The following CFAP299 variants were observed in gnomAD, a reference collection of about 807,000 sequenced individuals.
The protein encoded by CFAP299 is cilia and flagella associated protein 299, also known as cilia- and flagella-associated protein 299.
Under a neutral mutation model 27.0 loss-of-function variants are expected in CFAP299, and 21 were observed. The ratio of observed to expected loss-of-function variants is 0.78; its 90% CI spans 0.55 to 1.12. The LOEUF (loss-of-function observed/expected upper bound fraction) is 1.12. Ranked by LOEUF, CFAP299 falls within the 50% of genes most tolerant of loss-of-function variation. CFAP299 has a pLI of 0.00. For synonymous variants in CFAP299, 104 were observed against 98.1 expected, an observed-to-expected ratio of 1.06 and a Z score of -0.36; for missense variants, 310 against 276.6, an observed-to-expected ratio of 1.12 and a Z score of -0.86.
intron 2 of CFAP299, among the ~76,000 whole-genome samples, chr4:80,410,428 T>G (rs1234295314): frequency 6.6e-6 from 1 of 152,172 alleles, no homozygotes; most frequent in African/African-American, 2.4e-5. Context: ...TTTTTCACCC[T>G]GGTGGGAGTT....
At chr4:80,773,921 A>G (rs1726368832) in intron 3 of CFAP299, among the ~76,000 whole-genome samples, 1 of 152,044 alleles carries the variant, frequency 6.6e-6, no homozygotes, top group African/African-American at 2.4e-5. Flanking sequence ...CAAGTTGCTA[A>G]CTGGAGTAAT....
chr4:80,656,413 C>G (rs995924854), intron 3 of CFAP299, among the ~76,000 whole-genome samples: 1 of 151,862 alleles, frequency 6.6e-6, no homozygotes, highest in African/African-American at 2.4e-5. Flanking sequence ...GTGTGATGTT[C>G]CCCTCCTTGT....
chr4:80,541,328 G>A (rs977673346), intron 2 of CFAP299, among the ~76,000 whole-genome samples: 2 of 152,100 alleles, frequency 1.3e-5, no homozygotes, highest in Admixed American at 6.5e-5. Flanking sequence ...TAGTAATTCC[G>A]ATCATTGTAT....
intron 2 of CFAP299, among the ~76,000 whole-genome samples, chr4:80,482,441 T>A (rs1279977733): frequency 6.6e-6 from 1 of 152,174 alleles, no homozygotes; most frequent in African/African-American, 2.4e-5. Flanking sequence ...GAGAATATTT[T>A]AGCACATAAA....
chr4:80,790,915 G>T lies in CFAP299; in HGVS notation c.334-79078G>T, dbSNP rs1727526386. On this transcript the variant is annotated intron_variant, in intron 3 of 5. Coordinates refer to ENST00000358105, the MANE Select transcript of CFAP299 (RefSeq NM_152770.3). The stretch of plus-strand genomic sequence containing the variant: ...AATAGCAAAAATGATTACCATATTA[G>T]AATTCTAATGGGGACATTTATCAAT... Among the ~76,000 whole-genome samples the T allele has an allele frequency of 3.3e-5, 5 of 152,086 alleles. No individual in the cohort carries two copies. The South Asian group carries it at 1.0e-3, about 32-fold the overall frequency.
intron 3 of CFAP299, among the ~76,000 whole-genome samples, chr4:80,754,676 T>G (rs1031984181): frequency 6.6e-6 from 1 of 152,074 alleles, no homozygotes; most frequent in Non-Finnish European, 1.5e-5. Context: ...TAAATTATGA[T>G]TTTTTTCTTG....
At chr4:80,322,184 A>G in the CFAP299 span, among the ~76,000 whole-genome samples, 1 of 152,212 alleles carries the variant, frequency 6.6e-6, no homozygotes, top group Admixed American at 6.5e-5. Flanking sequence ...TTTTGCAATA[A>G]AAGGTTCCCA....
chr4:80,394,263 C>A lies in CFAP299; in HGVS notation c.242+31379C>A, dbSNP rs1205798384. ...TCTTTTGAAAAATATCCATTCAGAT[C>A]CTTTGACTATTTTCTAATGGGGTTG... On this transcript the variant is annotated intron_variant, in intron 2 of 5. Coordinates refer to ENST00000358105, the MANE Select transcript of CFAP299 (RefSeq NM_152770.3). Among the ~76,000 whole-genome samples the A allele has an allele frequency of 2.0e-5, 3 of 152,054 alleles. No individual in the cohort carries two copies. The South Asian group carries it at 6.2e-4, about 32-fold the overall frequency.
At chr4:80,797,274 CTTCA>C (rs993480338) in intron 3 of CFAP299, among the ~76,000 whole-genome samples, 9 of 152,276 alleles carry the variant, frequency 5.9e-5, no homozygotes, top group African/African-American at 2.2e-4. Flanking sequence ...CCAGCTTCCA[CTTCA>C]TTCAAAGGGT....
chr4:80,810,302 A>C (rs1188418009), intron 3 of CFAP299, among the ~76,000 whole-genome samples: 1 of 151,898 alleles, frequency 6.6e-6, no homozygotes, highest in South Asian at 2.1e-4. Context: ...TTAGGTGTGC[A>C]TTAACATACC....
chr4:80,470,807 G>A (rs1578481934), intron 2 of CFAP299, among the ~76,000 whole-genome samples: 1 of 152,258 alleles, frequency 6.6e-6, no homozygotes, highest in East Asian at 1.9e-4. Context: ...TGAGAAAATA[G>A]GATAGGGTAG....
intron 3 of CFAP299, among the ~76,000 whole-genome samples, chr4:80,808,687 A>T (rs568382596): frequency 1.3e-5 from 2 of 152,124 alleles, no homozygotes; most frequent in African/African-American, 4.8e-5. Context: ...CATGTGCTGC[A>T]CATGTTAGGC....
chr4:80,560,771 G>T (rs1735002089), intron 2 of CFAP299, among the ~76,000 whole-genome samples: 1 of 152,078 alleles, frequency 6.6e-6, no homozygotes, highest in African/African-American at 2.4e-5. Context: ...ATGTTTTGTG[G>T]TCTGAGTGCC....
intron 3 of CFAP299, among the ~76,000 whole-genome samples, chr4:80,725,712 T>C (rs529561861): frequency 6.6e-6 from 1 of 152,342 alleles, no homozygotes; most frequent in South Asian, 2.1e-4. Flanking sequence ...AAAAAGGTGC[T>C]GGGGTCTTCT....
chr4:80,852,951 G>T (rs1051065360), intron 3 of CFAP299, among the ~76,000 whole-genome samples: 3 of 152,144 alleles, frequency 2.0e-5, no homozygotes, highest in Non-Finnish European at 2.9e-5. Context: ...ATAGCATGTA[G>T]AACAAAATGA....
intron 3 of CFAP299, among the ~76,000 whole-genome samples, chr4:80,721,429 T>C (rs1040611711): frequency 1.3e-5 from 2 of 152,218 alleles, no homozygotes; most frequent in African/African-American, 4.8e-5. Flanking sequence ...TTGGCTTGTA[T>C]CCCATGTCTT....
intron 2 of CFAP299, among the ~76,000 whole-genome samples, chr4:80,544,273 G>A (rs539848907): frequency 6.6e-6 from 1 of 152,242 alleles, no homozygotes; most frequent in East Asian, 1.9e-4. Flanking sequence ...ATACCTCATT[G>A]GTACCATAAA....
At chr4:80,622,939 T>A (rs1303346934) in intron 3 of CFAP299, among the ~76,000 whole-genome samples, 4 of 152,172 alleles carry the variant, frequency 2.6e-5, no homozygotes, top group Admixed American at 2.6e-4. Context: ...TTTGTAACTA[T>A]GAGCTTGGGG....
At chr4:80,465,831 T>A (rs1729673809) in intron 2 of CFAP299, among the ~76,000 whole-genome samples, 1 of 152,126 alleles carries the variant, frequency 6.6e-6, no homozygotes, top group Admixed American at 6.5e-5. Context: ...TGAACCTACG[T>A]GAGCTGGGTT....
Sources: allele counts gnomAD v4.1 joint callset (sites outside exome capture counted in the v4.1 genomes callset), GRCh38; gene constraint gnomAD v4.1.1; transcripts MANE v1.5; gene names NCBI Gene and HGNC (gene_info 2026-07-23, HGNC 2026-07-21).